The following CWC27 variants were observed in gnomAD, a reference collection of about 807,000 sequenced individuals.
CWC27 encodes the protein CWC27 spliceosome associated cyclophilin.
CWC27 carries 47 observed loss-of-function variants against 63.6 expected under a neutral mutation model. The observed-to-expected ratio is 0.74, with a 90% confidence interval of 0.58 to 0.94. The LOEUF (loss-of-function observed/expected upper bound fraction) is 0.94, where lower values mean the gene tolerates loss of function less well. CWC27 is among the 40% of genes least tolerant of loss of function. CWC27 has a pLI of 0.00. For missense variants in CWC27, 495 were observed against 554.3 expected (o/e 0.89, Z 1.07); for synonymous variants, 175 against 179.8 (o/e 0.97, Z 0.22).
At chr5:64,830,137 T>C (rs1359098455) in intron 10 of CWC27, among the ~76,000 whole-genome samples, 1 of 151,392 alleles carries the variant, frequency 6.6e-6, no homozygotes, top group African/African-American at 2.4e-5. Flanking sequence ...TAACTCGTCA[T>C]TTACATTAGG....
chr5:64,917,540 G>A (rs1284957857), intron 11 of CWC27, among the ~76,000 whole-genome samples: 1 of 152,124 alleles, frequency 6.6e-6, no homozygotes, highest in Non-Finnish European at 1.5e-5. Flanking sequence ...TGTCTGTGAA[G>A]GTGTTTGGTG....
chr5:64,997,473 C>T (rs1749653845), intron 13 of CWC27, among the ~76,000 whole-genome samples: 1 of 152,092 alleles, frequency 6.6e-6, no homozygotes, highest in Non-Finnish European at 1.5e-5. Context: ...ATTAATTTAT[C>T]TATATTTGAC....
chr5:64,836,566 G>A (rs936199894), intron 10 of CWC27, among the ~76,000 whole-genome samples: 1 of 151,868 alleles, frequency 6.6e-6, no homozygotes, highest in Admixed American at 6.6e-5. Flanking sequence ...AAAACAAAAA[G>A]GCAAATCATT....
chr5:64,909,632 T>C (rs906419983), intron 11 of CWC27, among the ~76,000 whole-genome samples: 2 of 152,202 alleles, frequency 1.3e-5, no homozygotes, highest in East Asian at 3.9e-4. Context: ...CTTTGTTCGT[T>C]TCTTTTTACT....
chr5:64,920,485 A>G lies in CWC27; in HGVS notation c.1042+34939A>G, dbSNP rs1388944628. Among the ~76,000 whole-genome samples the G allele has an allele frequency of 4.6e-5, 7 of 152,130 alleles. 1 individual carries two copies. The highest frequency in any genetic ancestry group is 1.0e-4 in the Non-Finnish European group (7 of 68,018). Reference sequence around the variant, plus strand: ...TTGGTATCCGAATGATGCTGGCTTCATAGAATGAGTTAGGGAGGAATCCCC... The same window carrying G: ...TTGGTATCCGAATGATGCTGGCTTCGTAGAATGAGTTAGGGAGGAATCCCC... On this transcript the variant is annotated intron_variant, in intron 11 of 13. Coordinates refer to ENST00000381070, the MANE Select transcript of CWC27 (RefSeq NM_005869.4).
chr5:65,015,250 C>T (rs572597934), intron 13 of CWC27, among the ~76,000 whole-genome samples: 1 of 152,082 alleles, frequency 6.6e-6, no homozygotes, highest in East Asian at 1.9e-4. Context: ...AAATTCTGAT[C>T]AAGTCATTTT....
chr5:64,771,135 T>C (rs904286266), intron 1 of CWC27, among the ~76,000 whole-genome samples: 1 of 152,190 alleles, frequency 6.6e-6, no homozygotes, highest in African/African-American at 2.4e-5. Flanking sequence ...CAAGTTTTCA[T>C]CCAAAAACAG....
chr5:64,960,002 G>A (rs564104236), intron 11 of CWC27, among the ~76,000 whole-genome samples: 64 of 152,248 alleles, frequency 4.2e-4, no homozygotes, highest in African/African-American at 1.5e-3. Flanking sequence ...AAGGAGAATC[G>A]AGAAAAAGCC....
intron 11 of CWC27, among the ~76,000 whole-genome samples, chr5:64,908,044 C>T (rs2112373844): frequency 6.6e-6 from 1 of 152,340 alleles, no homozygotes; most frequent in Middle Eastern, 3.4e-3. Flanking sequence ...TTTCCCTCTA[C>T]ACATGCTTTA....
chr5:64,968,125 C>A (rs991071086), intron 11 of CWC27, among the ~76,000 whole-genome samples: 8 of 151,826 alleles, frequency 5.3e-5, no homozygotes, highest in Non-Finnish European at 7.4e-5. Context: ...AAATGGCCAA[C>A]AAGCACATAA....
chr5:64,914,037 A>G (rs528881772), intron 11 of CWC27, among the ~76,000 whole-genome samples: 1 of 152,282 alleles, frequency 6.6e-6, no homozygotes, highest in East Asian at 1.9e-4. Flanking sequence ...ACACACATAA[A>G]AGATAGTGCT....
Position 64,838,987 on chromosome 5 carries a change from C to T in CWC27, c.938+34601C>T, listed in dbSNP as rs188829939. ...ATTTGACCTAACAGGAAGTGAGAAG[C>T]TGTTTGGTCTATCTCTTTTTGATGA... is the stretch of plus-strand genomic sequence containing the variant. On this transcript the variant is annotated intron_variant, in intron 10 of 13. Coordinates refer to ENST00000381070, the MANE Select transcript of CWC27 (RefSeq NM_005869.4). Among the ~76,000 whole-genome samples, 561 of 152,162 alleles carry T rather than the reference C, an allele frequency of 3.7e-3. 1 individual carries two copies. The highest frequency in any genetic ancestry group is 6.0e-3 in the Non-Finnish European group (406 of 68,010).
chr5:64,990,047 C>T (rs984576781), intron 13 of CWC27, among the ~76,000 whole-genome samples: 1 of 151,780 alleles, frequency 6.6e-6, no homozygotes, highest in Non-Finnish European at 1.5e-5. Context: ...GCTAAATAAT[C>T]TCTAAGGAAG....
intron 13 of CWC27, among the ~76,000 whole-genome samples, chr5:65,004,378 C>CTTTTTTTTTTTTTTTTTTTTT (rs70983659): frequency 1.3e-5 from 1 of 79,536 alleles, no homozygotes; most frequent in Non-Finnish European, 2.3e-5. Context: ...GTTGTATAGG[C>CTTTTTTTTTTTTTTTTTTTTT]TTTTTTTTTT....
chr5:64,774,586 C>A (rs1428263849), intron 1 of CWC27, 105 bp from the exon 2 acceptor site: 7 of 576,562 alleles, frequency 1.2e-5, no homozygotes, highest in Non-Finnish European at 5.6e-6. Flanking sequence ...TTTAATATTT[C>A]TTTTAAAATT....
intron 10 of CWC27, among the ~76,000 whole-genome samples, chr5:64,874,128 C>G (rs972116621): frequency 8.2e-6 from 1 of 122,204 alleles, no homozygotes; most frequent in Non-Finnish European, 1.7e-5. Context: ...ATTCTTTCTT[C>G]TGCTTGATCT....
At chr5:64,815,228 G>A (rs559939832) in intron 10 of CWC27, among the ~76,000 whole-genome samples, 7 of 152,162 alleles carry the variant, frequency 4.6e-5, no homozygotes, top group African/African-American at 1.4e-4. Flanking sequence ...AATCTCAGTG[G>A]CTTAAAAATC....
intron 10 of CWC27, among the ~76,000 whole-genome samples, chr5:64,838,269 T>G (rs1034416075): frequency 1.3e-5 from 2 of 152,142 alleles, no homozygotes; most frequent in African/African-American, 4.8e-5. Context: ...TAACCAAAGA[T>G]CCGATGTTTT....
chr5:64,801,166 C>T lies in CWC27; in HGVS notation c.750-136C>T, dbSNP rs113424297. The T allele has an allele frequency of 5.7e-5, 45 of 788,648 alleles. 1 individual carries two copies. Among genetic ancestry groups the T allele is most frequent in the African/African-American group, 3.2e-4 (17 of 53,022 alleles). The allele number at this position is 788,648 out of a possible 1,614,324, so 48.9% of individuals were successfully genotyped here. A position where few individuals can be genotyped will look rare whatever the true frequency, so the allele number is the denominator to read the frequency against. On this transcript the variant is annotated intron_variant, in intron 8 of 13. Coordinates refer to ENST00000381070, the MANE Select transcript of CWC27 (RefSeq NM_005869.4). ...GAATGTTTCCATCTGTTCTATAATG[C>T]CTTTCTTAAATTCCTATGTTGAAAT...
Sources: allele counts gnomAD v4.1 joint callset (sites outside exome capture counted in the v4.1 genomes callset), GRCh38; gene constraint gnomAD v4.1.1; transcripts MANE v1.5; gene names NCBI Gene and HGNC (gene_info 2026-07-23, HGNC 2026-07-21).